FUT9: variants seen among roughly 807,000 people sequenced by gnomAD.
The protein encoded by FUT9 is fucosyltransferase 9.
Under a neutral mutation model 29.7 loss-of-function variants are expected in FUT9, and 15 were observed. The ratio of observed to expected loss-of-function variants is 0.51; its 90% CI spans 0.34 to 0.78. The LOEUF is 0.78. FUT9 is among the 30% of genes least tolerant of loss of function. The pLI is 0.01. For missense variants in FUT9, 319 were observed against 425.4 expected (o/e 0.75, Z 2.20); for synonymous variants, 169 against 153.7 (o/e 1.10, Z -0.74).
At chr6:96,138,094 C>A (rs1320420942) in intron 2 of FUT9, among the ~76,000 whole-genome samples, 2 of 152,148 alleles carry the variant, frequency 1.3e-5, no homozygotes, top group Non-Finnish European at 2.9e-5. Flanking sequence ...CTCCCATATT[C>A]ATATTGCTTC....
At chr6:96,179,689 C>T (rs1773270760) in intron 2 of FUT9, among the ~76,000 whole-genome samples, 1 of 151,580 alleles carries the variant, frequency 6.6e-6, no homozygotes, top group Non-Finnish European at 1.5e-5. Context: ...AATTCTTATA[C>T]ATAAGAACAA....
chr6:96,135,901 C>G (rs1295458693), intron 2 of FUT9, among the ~76,000 whole-genome samples: 2 of 150,948 alleles, frequency 1.3e-5, no homozygotes, highest in Non-Finnish European at 3.0e-5. Context: ...AAGACCAACA[C>G]TGTCATCTCT....
At chr6:96,119,030 A>G (rs1465572640) in intron 2 of FUT9, among the ~76,000 whole-genome samples, 2 of 152,212 alleles carry the variant, frequency 1.3e-5, no homozygotes, top group African/African-American at 2.4e-5. Context: ...TTTTAAGTCT[A>G]TAAAGTAAAA....
intron 1 of FUT9, among the ~76,000 whole-genome samples, chr6:96,061,732 C>G (rs1770878086): frequency 6.6e-6 from 1 of 152,162 alleles, no homozygotes; most frequent in African/African-American, 2.4e-5. Context: ...TGTCTAGCTA[C>G]TTTTCATTGT....
chr6:96,095,387 C>T (rs552345757), intron 1 of FUT9, among the ~76,000 whole-genome samples: 11 of 152,148 alleles, frequency 7.2e-5, no homozygotes, highest in Non-Finnish European at 1.5e-4. Flanking sequence ...CTGATTGACT[C>T]CTTTCCTCAA....
rs113903514 is a variant in FUT9, at chr6:96,076,210, T to G, written c.-97-37829T>G. 2.8e-3 allele frequency among the ~76,000 whole-genome samples: 424 copies of G among 152,312 alleles called. 4 individuals carry two copies. Among genetic ancestry groups the G allele is most frequent in the Non-Finnish European group, 4.9e-3 (336 of 68,020 alleles). Reference sequence around the variant, plus strand: ...TTGCATTTTCTACACCAAATGGTACTTTATAACTTGATGTCAAGATTTAAG... The same window carrying G: ...TTGCATTTTCTACACCAAATGGTACGTTATAACTTGATGTCAAGATTTAAG... On this transcript the variant is annotated intron_variant, in intron 1 of 2. Transcript: ENST00000302103.
intron 2 of FUT9, among the ~76,000 whole-genome samples, chr6:96,188,701 ATAT>A (rs1773449229): frequency 1.6e-5 from 1 of 63,822 alleles, no homozygotes; most frequent in South Asian, 9.5e-4. Flanking sequence ...TAACAAATAT[ATAT>A]TATTTGATAT....
At position 96,207,564 on chromosome 6, in the gene FUT9, A is replaced by T. The variant is rs774716275; in HGVS notation, c.*3329A>T. On this transcript the variant is annotated 3_prime_UTR_variant, in exon 3 of 3. Transcript: ENST00000302103. ...TTAAGTGAAATACAACCCTCAAGAA[A>T]GTGTATGGTTCACAGCCACTCCTTT... is the stretch of plus-strand genomic sequence containing the variant. 5 of 166,984 alleles carry T rather than the reference A, an allele frequency of 3.0e-5. No individual in the cohort carries two copies. Among genetic ancestry groups the T allele is most frequent in the African/African-American group, 7.2e-5 (3 of 41,432 alleles). The allele number at this position is 166,984 out of a possible 1,614,324, so 10.3% of individuals were successfully genotyped here.
At chr6:96,135,044 CA>C (rs1772321242) in intron 2 of FUT9, among the ~76,000 whole-genome samples, 2 of 151,806 alleles carry the variant, frequency 1.3e-5, no homozygotes, top group Admixed American at 6.6e-5. Flanking sequence ...TGTATTGCTT[CA>C]TTGCAAAGTT....
Position 96,203,755 on chromosome 6 carries a change from T to C in FUT9, c.600T>C (p.His200=). ...TTGTGAGTAACTGGAACCCTGAGCA[T>C]GCCAGAGTCAAGTATTACAATGAGC... ...CWVVSNWNPE[H]ARVKYYNELS... The change falls in exon 3 of 3, where the codon CAT becomes CAC. Residue 200 remains histidine, a synonymous_variant. Transcript: ENST00000302103. 1 of 1,614,066 alleles carries C rather than the reference T, an allele frequency of 6.2e-7. No homozygotes were observed. Among genetic ancestry groups the C allele is most frequent in the Non-Finnish European group, 8.5e-7 (1 of 1,180,028 alleles).
intron 2 of FUT9, among the ~76,000 whole-genome samples, chr6:96,122,921 A>T (rs899570546): frequency 7.2e-5 from 11 of 151,910 alleles, no homozygotes; most frequent in African/African-American, 2.7e-4. Flanking sequence ...CTAGCTGGGC[A>T]TGGTGGCGGG....
At position 96,200,161 on chromosome 6, in the gene FUT9, TAA is replaced by T. The variant is rs1773702893; in HGVS notation, c.-8-2986_-8-2985del. Among the ~76,000 whole-genome samples the T allele has an allele frequency of 2.0e-5, 3 of 152,252 alleles. No homozygotes were observed. In the South Asian group the frequency reaches 6.2e-4, roughly 32 times the overall value. On this transcript the variant is annotated intron_variant, in intron 2 of 2. Transcript: ENST00000302103. ...ATGAGTTAATAGGTGTGTGTGTGTA[TAA>T]GTTAATATAAGTGCTCAGATCAGTG...
chr6:96,156,684 T>A (rs1772791610), intron 2 of FUT9, among the ~76,000 whole-genome samples: 1 of 152,214 alleles, frequency 6.6e-6, no homozygotes, highest in African/African-American at 2.4e-5. Flanking sequence ...TAGGCACTTG[T>A]GGGTTAGGTC....
intron 1 of FUT9, among the ~76,000 whole-genome samples, chr6:96,090,053 A>G (rs541937977): frequency 6.6e-6 from 1 of 152,266 alleles, no homozygotes; most frequent in African/African-American, 2.4e-5. Flanking sequence ...TAAAATTATG[A>G]AAAACCCCCC....
chr6:96,088,551 TGTGTGTGTGTGTGTGTGC>T (rs1215510783), intron 1 of FUT9, among the ~76,000 whole-genome samples: 2 of 151,546 alleles, frequency 1.3e-5, no homozygotes, highest in Non-Finnish European at 2.9e-5. Flanking sequence ...TGTGTGTGTG[TGTGTGTGTGTGTGTGTGC>T]GTGCGCGCGC....
At chr6:96,065,896 A>G (rs554098986) in intron 1 of FUT9, among the ~76,000 whole-genome samples, 8 of 152,314 alleles carry the variant, frequency 5.3e-5, no homozygotes, top group African/African-American at 1.7e-4. Flanking sequence ...TGACTGTGAG[A>G]TAAGTGTCAA....
At chr6:96,170,518 A>G (rs1364399764) in intron 2 of FUT9, among the ~76,000 whole-genome samples, 2 of 150,134 alleles carry the variant, frequency 1.3e-5, no homozygotes, top group Admixed American at 6.8e-5. Context: ...AACTAGTTAG[A>G]GCTAGTTAAA....
intron 1 of FUT9, among the ~76,000 whole-genome samples, chr6:96,111,799 T>C (rs1771813619): frequency 6.6e-6 from 1 of 152,176 alleles, no homozygotes; most frequent in South Asian, 2.1e-4. Flanking sequence ...TAGTAATATA[T>C]ATATGTATAT....
At chr6:96,022,036 G>A (rs1386861470) in intron 1 of FUT9, among the ~76,000 whole-genome samples, 1 of 151,936 alleles carries the variant, frequency 6.6e-6, no homozygotes, top group Non-Finnish European at 1.5e-5. Flanking sequence ...ACAACTTTAT[G>A]TTTTCATGAC....
Sources: gnomAD v4.1 joint callset for allele counts (sites outside exome capture counted in the v4.1 genomes callset) on GRCh38, gnomAD v4.1.1 for gene constraint, MANE v1.5 for transcripts, NCBI Gene and HGNC (gene_info 2026-07-23, HGNC 2026-07-21) for gene names.